Variants in SLC67A2 observed in about 807,000 individuals in gnomAD.
SLC67A2 encodes the protein solute carrier family 67 member A2.
chr2:102,718,790 G>A, the SLC67A2 span: 19 of 1,613,794 alleles, frequency 1.2e-5, no homozygotes, highest in South Asian at 2.0e-4. Context: ...CAGCAGCAGT[G>A]CCTGCGAGTT....
the SLC67A2 span, chr2:102,723,690 G>A: frequency 6.2e-7 from 1 of 1,612,570 alleles, no homozygotes; most frequent in Non-Finnish European, 8.5e-7. Context: ...TCTCATGATT[G>A]TCAACTTACC....
chr2:102,733,991 A>T, the SLC67A2 span, among the ~76,000 whole-genome samples: 1 of 152,134 alleles, frequency 6.6e-6, no homozygotes, highest in South Asian at 2.1e-4. Flanking sequence ...TTCTGTTCTA[A>T]AATTGCCTTC....
chr2:102,719,072 C>T, the SLC67A2 span: 2 of 1,614,212 alleles, frequency 1.2e-6, no homozygotes, highest in South Asian at 1.1e-5. Flanking sequence ...CTTGCTGGCC[C>T]TGGCTCTGCG....
chr2:102,719,296 A>C, the SLC67A2 span: 1 of 1,295,512 alleles, frequency 7.7e-7, no homozygotes, highest in Non-Finnish European at 1.1e-6. Flanking sequence ...TATTTGTGTT[A>C]GATTACTAAT....
the SLC67A2 span, chr2:102,736,847 G>C: frequency 6.4e-7 from 1 of 1,568,624 alleles, no homozygotes; most frequent in South Asian, 1.2e-5. Flanking sequence ...AGCAGCAGCC[G>C]CGGACCTACC....
At chr2:102,729,415 A>G in the SLC67A2 span, among the ~76,000 whole-genome samples, 1 of 152,234 alleles carries the variant, frequency 6.6e-6, no homozygotes, top group Non-Finnish European at 1.5e-5. Context: ...AAAAGAATTA[A>G]CATACACTGT....
the SLC67A2 span, among the ~76,000 whole-genome samples, chr2:102,732,967 A>G: frequency 1.3e-5 from 2 of 152,206 alleles, no homozygotes; most frequent in African/African-American, 2.4e-5. Flanking sequence ...CTTACTAAAC[A>G]TGTGTCTTTG....
At chr2:102,716,298 T>G in the SLC67A2 span, 1 of 152,236 alleles carries the variant, frequency 6.6e-6, no homozygotes, top group Non-Finnish European at 1.5e-5. Flanking sequence ...TATAAGGGCT[T>G]TTAAGAAACT....
chr2:102,714,914 A>G, the SLC67A2 span, among the ~76,000 whole-genome samples: 1 of 152,178 alleles, frequency 6.6e-6, no homozygotes, highest in East Asian at 1.9e-4. Flanking sequence ...AAATTTTCTG[A>G]CTGGACTGAT....
At chr2:102,731,465 C>T in the SLC67A2 span, among the ~76,000 whole-genome samples, 2 of 152,200 alleles carry the variant, frequency 1.3e-5, no homozygotes, top group East Asian at 1.9e-4. Flanking sequence ...AAAATCTTAA[C>T]ATTGTCTCTT....
the SLC67A2 span, chr2:102,726,801 G>C: frequency 6.5e-7 from 1 of 1,539,728 alleles, no homozygotes; most frequent in African/African-American, 1.4e-5. Context: ...TGAGGTTCTG[G>C]GGGAAGCTAC....
the SLC67A2 span, chr2:102,718,725 T>C: frequency 1.9e-6 from 3 of 1,613,714 alleles, no homozygotes; most frequent in African/African-American, 1.3e-5. Flanking sequence ...ACTGCACCCA[T>C]GGTGGGGGCC....
At chr2:102,736,729 T>C in the SLC67A2 span, 5 of 1,613,830 alleles carry the variant, frequency 3.1e-6, no homozygotes, top group Middle Eastern at 1.6e-4. Context: ...TCGGTTCCTG[T>C]CTTCTGCTCC....
chr2:102,716,318 C>A, the SLC67A2 span: 1 of 152,292 alleles, frequency 6.6e-6, no homozygotes, highest in East Asian at 1.9e-4. Flanking sequence ...TTGCCTGTTT[C>A]TGAGAGTGAA....
the SLC67A2 span, among the ~76,000 whole-genome samples, chr2:102,730,829 G>A: frequency 3.4e-3 from 522 of 152,314 alleles, 6 homozygotes; most frequent in African/African-American, 0.012. Context: ...GATTACAGGC[G>A]TGAGCCACCG....
the SLC67A2 span, chr2:102,723,849 T>G: frequency 6.2e-7 from 1 of 1,614,154 alleles, no homozygotes; most frequent in East Asian, 2.2e-5. Flanking sequence ...CGGCCGTTCC[T>G]TCTCTGGAAC....
chr2:102,716,893 C>T, the SLC67A2 span: 1 of 152,244 alleles, frequency 6.6e-6, no homozygotes, highest in Non-Finnish European at 1.5e-5. Context: ...GCTATGTTCA[C>T]CTTCTGTCTG....
chr2:102,733,094 A>G, the SLC67A2 span, among the ~76,000 whole-genome samples: 1 of 152,206 alleles, frequency 6.6e-6, no homozygotes, highest in African/African-American at 2.4e-5. Flanking sequence ...AGAAAGGCCT[A>G]ATAAAACAAT....
the SLC67A2 span, among the ~76,000 whole-genome samples, chr2:102,722,098 GA>G: frequency 2.2e-4 from 34 of 152,334 alleles, 1 homozygote; most frequent in Admixed American, 8.5e-4. Flanking sequence ...GGGGAACAAA[GA>G]GAACGTAAGC....
Sources: gnomAD v4.1 joint callset for allele counts (sites outside exome capture counted in the v4.1 genomes callset) on GRCh38, gnomAD v4.1.1 for gene constraint, MANE v1.5 for transcripts, NCBI Gene and HGNC (gene_info 2026-07-23, HGNC 2026-07-21) for gene names.